Variants in DEPDC1B observed in about 807,000 individuals in gnomAD.
DEPDC1B encodes DEP domain containing 1B, also known as DEP domain-containing protein 1B.
A neutral mutation model predicts 66.5 loss-of-function variants in DEPDC1B; 51 were observed. The ratio of observed to expected loss-of-function variants is 0.77; its 90% CI spans 0.61 to 0.97. DEPDC1B has a LOEUF of 0.97. Among genes scored for constraint, DEPDC1B ranks in the 50% least tolerant of loss-of-function variants. The pLI, the probability that DEPDC1B is intolerant of heterozygous loss-of-function variation, is 0.00. For missense variants in DEPDC1B, 552 were observed against 637.1 expected (o/e 0.87, Z 1.44); for synonymous variants, 226 against 223.6 (o/e 1.01, Z -0.10).
At chr5:60,615,237 G>A (rs1011331341) in intron 7 of DEPDC1B, among the ~76,000 whole-genome samples, 3 of 152,164 alleles carry the variant, frequency 2.0e-5, no homozygotes, top group African/African-American at 7.2e-5. Flanking sequence ...GAAGACGGGT[G>A]ATTTCTGCAT....
intron 7 of DEPDC1B, among the ~76,000 whole-genome samples, chr5:60,618,033 T>G (rs1752602935): frequency 1.3e-5 from 2 of 152,322 alleles, no homozygotes; most frequent in South Asian, 2.1e-4. Context: ...TGCTCCTAAA[T>G]GACTACTGGG....
intron 2 of DEPDC1B, among the ~76,000 whole-genome samples, chr5:60,652,718 T>C (rs368646113): frequency 1.3e-5 from 2 of 149,228 alleles, no homozygotes; most frequent in Admixed American, 6.6e-5. Context: ...GAGCAGTGTA[T>C]ACTGTAACCA....
intron 2 of DEPDC1B, among the ~76,000 whole-genome samples, chr5:60,662,616 T>G (rs920914900): frequency 6.6e-6 from 1 of 152,188 alleles, no homozygotes; most frequent in South Asian, 2.1e-4. Flanking sequence ...TAGGGCTTTC[T>G]TTCAGTGCAG....
intron 7 of DEPDC1B, among the ~76,000 whole-genome samples, chr5:60,634,333 C>T (rs1275498460): frequency 3.3e-5 from 5 of 152,182 alleles, no homozygotes; most frequent in Admixed American, 6.5e-5. Flanking sequence ...ACATTATCTG[C>T]AATCGTGAAT....
At chr5:60,696,526 G>C (rs1754657852) in intron 1 of DEPDC1B, among the ~76,000 whole-genome samples, 1 of 151,998 alleles carries the variant, frequency 6.6e-6, no homozygotes, top group Non-Finnish European at 1.5e-5. Flanking sequence ...AGAAAAATAA[G>C]TATCTTTAAA....
In DEPDC1B at chr5:60,632,089, A is replaced by C. The variant is rs1418418113; in HGVS notation, c.898+6661T>G. On this transcript the variant is annotated intron_variant, in intron 7 of 10. Coordinates refer to ENST00000265036, the MANE Select transcript of DEPDC1B (RefSeq NM_018369.3). ...AACCTATATAAAGGACCAGTGGAAC[A>C]ATTTGTCTATTTTGTTGCTGTTTCA... Among the ~76,000 whole-genome samples, 5 of 152,334 alleles carry C rather than the reference A, an allele frequency of 3.3e-5. No homozygotes were observed. The South Asian group carries it at 6.2e-4, about 19-fold the overall frequency.
At chr5:60,635,706 C>T (rs1753029775) in intron 7 of DEPDC1B, among the ~76,000 whole-genome samples, 1 of 152,162 alleles carries the variant, frequency 6.6e-6, no homozygotes, top group Non-Finnish European at 1.5e-5. Context: ...CTAGTGGGAG[C>T]ACTCACTATG....
At chr5:60,644,299 A>G (rs1397590670) in intron 5 of DEPDC1B, among the ~76,000 whole-genome samples, 1 of 152,206 alleles carries the variant, frequency 6.6e-6, no homozygotes, top group African/African-American at 2.4e-5. Context: ...AATCAAAGCA[A>G]TATCAACATT....
chr5:60,646,423 A>G (rs1411306748), intron 3 of DEPDC1B, among the ~76,000 whole-genome samples: 1 of 152,200 alleles, frequency 6.6e-6, no homozygotes, highest in African/African-American at 2.4e-5. Flanking sequence ...TAAGTTATAG[A>G]ATGTACAGGA....
rs796975751 is a variant in DEPDC1B, at chr5:60,603,677, A to G, written c.1066-110T>C. 1.2e-5 allele frequency: 14 copies of G among 1,130,310 alleles called. 1 individual carries two copies. In the African/African-American group the frequency reaches 2.2e-4, roughly 18 times the overall value. 70.0% of individuals were successfully genotyped at this position (1,130,310 alleles called of 1,614,324 possible). A position where few individuals can be genotyped will look rare whatever the true frequency, so the allele number is the denominator to read the frequency against. Reference sequence around the variant, plus strand: ...AGAAATGGTCTAAGGCACAGGGTGCATATTCTACCAAGAGTACCCAGCCAT... The same window carrying G: ...AGAAATGGTCTAAGGCACAGGGTGCGTATTCTACCAAGAGTACCCAGCCAT... On this transcript the variant is annotated intron_variant, in intron 8 of 10. Coordinates refer to ENST00000265036, the MANE Select transcript of DEPDC1B (RefSeq NM_018369.3).
chr5:60,676,850 A>G (rs1412758785), intron 2 of DEPDC1B, among the ~76,000 whole-genome samples: 2 of 152,196 alleles, frequency 1.3e-5, no homozygotes, highest in African/African-American at 2.4e-5. Context: ...CCAGGCAGAT[A>G]ACATAATCAT....
chr5:60,655,649 A>C, intron 2 of DEPDC1B, among the ~76,000 whole-genome samples: 1 of 147,510 alleles, frequency 6.8e-6, no homozygotes, highest in African/African-American at 2.6e-5. Flanking sequence ...TTTGTTATTT[A>C]TTTTCTTCTG....
intron 7 of DEPDC1B, among the ~76,000 whole-genome samples, chr5:60,635,117 G>A (rs892187317): frequency 1.3e-5 from 2 of 150,064 alleles, no homozygotes; most frequent in Non-Finnish European, 3.0e-5. Context: ...AGAGCAGATA[G>A]CACCATTGGC....
At chr5:60,637,882 A>G (rs1287877334) in intron 7 of DEPDC1B, among the ~76,000 whole-genome samples, 1 of 152,228 alleles carries the variant, frequency 6.6e-6, no homozygotes. Flanking sequence ...TATTGCTGAT[A>G]CTTTGTTACA....
chr5:60,600,075 T>C (rs1214214553), intron 9 of DEPDC1B, among the ~76,000 whole-genome samples: 1 of 152,208 alleles, frequency 6.6e-6, no homozygotes, highest in Non-Finnish European at 1.5e-5. Flanking sequence ...ATTGATAATG[T>C]TGGATATCCA....
At chr5:60,686,878 C>A in intron 2 of DEPDC1B, 84 bp downstream of exon 2, 1 of 1,516,604 alleles carries the variant, frequency 6.6e-7, no homozygotes, top group Non-Finnish European at 9.0e-7. Context: ...TAAATTCTTA[C>A]ACATCAGGAA....
chr5:60,665,815 C>T (rs1175923289), intron 2 of DEPDC1B, among the ~76,000 whole-genome samples: 2 of 152,196 alleles, frequency 1.3e-5, no homozygotes, highest in Non-Finnish European at 2.9e-5. Context: ...TCACACCCAA[C>T]TAATCACGTA....
intron 2 of DEPDC1B, among the ~76,000 whole-genome samples, chr5:60,677,320 ACACACACTCTCTCTCTCTCTCT>A (rs1354625697): frequency 3.7e-5 from 4 of 107,782 alleles, no homozygotes; most frequent in Non-Finnish European, 5.4e-5. Flanking sequence ...ACACACACAC[ACACACACTCTCTCTCTCTCTCT>A]CTCTCTCTCT....
In DEPDC1B at chr5:60,667,688, ATGGATATTTTACATGTATAT is replaced by A. The variant is rs1466434147; in HGVS notation, c.314+19254_314+19273del. 3.3e-3 allele frequency among the ~76,000 whole-genome samples: 479 copies of A among 144,544 alleles called. 33 individuals are homozygous for A. The highest frequency in any genetic ancestry group is 0.011 in the African/African-American group (439 of 39,490). The allele number at this position is 144,544 out of a possible 152,430, so 94.8% of individuals were successfully genotyped here. Reference sequence around the variant, plus strand: ...ATAATGGATATTTTACATGTATATAATGGATATTTTACATGTATATAAAATGGATATTTTACATATATATA... The same window carrying A: ...ATAATGGATATTTTACATGTATATAAAAAATGGATATTTTACATATATATA... On this transcript the variant is annotated intron_variant, in intron 2 of 10. Coordinates refer to ENST00000265036, the MANE Select transcript of DEPDC1B (RefSeq NM_018369.3).
Sources: allele counts gnomAD v4.1 joint callset (sites outside exome capture counted in the v4.1 genomes callset), GRCh38; gene constraint gnomAD v4.1.1; transcripts MANE v1.5; gene names NCBI Gene and HGNC (gene_info 2026-07-23, HGNC 2026-07-21).